ARFGEF1: variants seen among roughly 807,000 people sequenced by gnomAD.
The protein encoded by ARFGEF1 is ARF guanine nucleotide exchange factor 1.
Under a neutral mutation model 231.0 loss-of-function variants are expected in ARFGEF1, and 42 were observed. The ratio of observed to expected loss-of-function variants is 0.18; its 90% CI spans 0.14 to 0.24. The LOEUF is 0.24. Ranked by LOEUF, ARFGEF1 falls within the 10% of genes least tolerant of loss-of-function variation. The pLI, the probability that ARFGEF1 is intolerant of heterozygous loss-of-function variation, is 1.00. For missense variants in ARFGEF1, 1,345 were observed against 2,192.0 expected (o/e 0.61, Z 7.72); for synonymous variants, 710 against 732.3 (o/e 0.97, Z 0.49).
Position 67,258,307 on chromosome 8 carries a change from G to A in ARFGEF1, c.2236-17C>T. ...CACTTGAGTCTAAAGTAAAAACAGA[G>A]ATAGAAATTGATATTTTCTTTCTTT... On this transcript the variant is annotated splice_polypyrimidine_tract_variant and intron_variant, in intron 15 of 38. Transcript: ENST00000262215. 7.0e-7 allele frequency: 1 copy of A among 1,434,292 alleles called. No individual in the cohort carries two copies. Among genetic ancestry groups the A allele is most frequent in the Non-Finnish European group, 9.6e-7 (1 of 1,040,062 alleles). The allele number at this position is 1,434,292 out of a possible 1,614,324, so 88.8% of individuals were successfully genotyped here. A position where few individuals can be genotyped will look rare whatever the true frequency, so the allele number is the denominator to read the frequency against.
chr8:67,317,282 A>AC (rs1479130665), intron 1 of ARFGEF1, among the ~76,000 whole-genome samples: 2 of 152,258 alleles, frequency 1.3e-5, no homozygotes, highest in Non-Finnish European at 2.9e-5. Flanking sequence ...GGAGGAGATA[A>AC]CAGGAACCCC....
At chr8:67,194,440 C>T (rs1837309483), downstream of ARFGEF1, among the ~76,000 whole-genome samples, 1 of 152,092 alleles carries the variant, frequency 6.6e-6, no homozygotes, top group Non-Finnish European at 1.5e-5. Flanking sequence ...AAACACAAAG[C>T]AGACATGGTT....
At chr8:67,234,914 T>C (rs924233514) in intron 22 of ARFGEF1, among the ~76,000 whole-genome samples, 3 of 151,812 alleles carry the variant, frequency 2.0e-5, no homozygotes, top group African/African-American at 7.3e-5. Context: ...AAGGCAAACT[T>C]GACACGCACA....
At chr8:67,336,709 G>A (rs976046965) in intron 1 of ARFGEF1, among the ~76,000 whole-genome samples, 3 of 152,146 alleles carry the variant, frequency 2.0e-5, no homozygotes, top group African/African-American at 7.2e-5. Flanking sequence ...CCCACCTAAA[G>A]GCTCTAAGTT....
chr8:67,331,711 CTTTG>C (rs906547531), intron 1 of ARFGEF1, among the ~76,000 whole-genome samples: 14 of 151,714 alleles, frequency 9.2e-5, no homozygotes, highest in Admixed American at 2.0e-4. Flanking sequence ...ATTTTTATGT[CTTTG>C]TTTTTCACTC....
At chr8:67,190,433 G>A (rs528326394) in intron 5 of ARFGEF1, among the ~76,000 whole-genome samples, 1 of 152,270 alleles carries the variant, frequency 6.6e-6, no homozygotes, top group Admixed American at 6.5e-5. Flanking sequence ...TGTGCACAAA[G>A]GAGCTGTTTA....
chr8:67,246,196 T>C (rs531600396), intron 19 of ARFGEF1, among the ~76,000 whole-genome samples: 1 of 150,564 alleles, frequency 6.6e-6, no homozygotes, highest in African/African-American at 2.5e-5. Flanking sequence ...ATTTTCCATA[T>C]TGGACAGACC....
At chr8:67,230,413 CTT>C (rs1261081225) in intron 23 of ARFGEF1, among the ~76,000 whole-genome samples, 2 of 152,036 alleles carry the variant, frequency 1.3e-5, no homozygotes, top group Non-Finnish European at 2.9e-5. Flanking sequence ...GTTTGCAAAA[CTT>C]TTGCAGATTC....
intron 19 of ARFGEF1, among the ~76,000 whole-genome samples, chr8:67,242,974 A>G (rs1415108825): frequency 6.6e-6 from 1 of 152,168 alleles, no homozygotes; most frequent in African/African-American, 2.4e-5. Context: ...TGTGTCTTGT[A>G]GTTTGAGTGC....
chr8:67,240,309 G>A lies in ARFGEF1; in HGVS notation c.2851-19C>T. The stretch of plus-strand genomic sequence containing the variant: ...AAGCCAACTACAAAAATTAAAAATT[G>A]TATTTTAATTAAAGATTATGATAAC... On this transcript the variant is annotated intron_variant, in intron 19 of 38. Coordinates refer to ENST00000262215, the MANE Select transcript of ARFGEF1 (RefSeq NM_006421.5). The A allele has an allele frequency of 2.5e-6, 4 of 1,576,562 alleles. No individual in the cohort carries two copies. Among genetic ancestry groups the A allele is most frequent in the Non-Finnish European group, 3.4e-6 (4 of 1,165,478 alleles).
intron 10 of ARFGEF1, among the ~76,000 whole-genome samples, chr8:67,270,853 T>A (rs1332584411): frequency 6.6e-6 from 1 of 150,904 alleles, no homozygotes; most frequent in African/African-American, 2.4e-5. Context: ...GGAGAAACCC[T>A]GTCTCTACTA....
In ARFGEF1 at chr8:67,251,451, C is replaced by G. The variant is rs200901179; in HGVS notation, c.2699-1G>C. On this transcript the variant is annotated splice_acceptor_variant, in intron 18 of 38. Transcript: ENST00000262215. LOFTEE classifies it high-confidence loss of function. ...CTTCTTTGTTTTTCACTGGCTACATCTGAAACAATAAACACTATCAGCATT... is the reference window on the plus strand; with the variant it reads ...CTTCTTTGTTTTTCACTGGCTACATGTGAAACAATAAACACTATCAGCATT... The G allele has an allele frequency of 1.3e-6, 2 of 1,595,168 alleles. No homozygotes were observed. Among genetic ancestry groups the G allele is most frequent in the South Asian group, 1.1e-5 (1 of 87,002 alleles).
rs142977497 is a variant in ARFGEF1, at chr8:67,256,061, C to T, written c.2526+1671G>A. On this transcript the variant is annotated intron_variant, in intron 17 of 38. Coordinates refer to ENST00000262215, the MANE Select transcript of ARFGEF1 (RefSeq NM_006421.5). ...TAAAGCATAGCTTTTTAAAACCAAA[C>T]ATATGTAAACCCAGGTCAAAATACT... Among the ~76,000 whole-genome samples the T allele has an allele frequency of 5.2e-3, 790 of 152,234 alleles. 3 individuals carry two copies. Among genetic ancestry groups the T allele is most frequent in the Non-Finnish European group, 8.1e-3 (549 of 67,992 alleles).
chr8:67,186,991 A>T (rs1042954132), intron 5 of ARFGEF1, among the ~76,000 whole-genome samples: 1 of 151,588 alleles, frequency 6.6e-6, no homozygotes, highest in African/African-American at 2.4e-5. Context: ...CTATCTATCT[A>T]TCTATCTATC....
At chr8:67,232,805 A>C (rs761674345) in intron 23 of ARFGEF1, 50 bp downstream of exon 23, 1 of 1,409,486 alleles carries the variant, frequency 7.1e-7, no homozygotes, top group Non-Finnish European at 9.7e-7. Context: ...CTAAATGCTA[A>C]AGAACTGAAA....
chr8:67,230,512 T>C (rs1437121198), intron 23 of ARFGEF1, among the ~76,000 whole-genome samples: 1 of 152,008 alleles, frequency 6.6e-6, no homozygotes, highest in Non-Finnish European at 1.5e-5. Flanking sequence ...AATGAATATA[T>C]CAGAGGTAAC....
intron 1 of ARFGEF1, among the ~76,000 whole-genome samples, chr8:67,332,972 C>T (rs1219047690): frequency 1.3e-5 from 2 of 151,978 alleles, no homozygotes. Flanking sequence ...CGGAAACTGG[C>T]ATACAGTAAA....
chr8:67,232,433 C>T (rs1459743038), intron 23 of ARFGEF1, among the ~76,000 whole-genome samples: 1 of 151,778 alleles, frequency 6.6e-6, no homozygotes, highest in Non-Finnish European at 1.5e-5. Context: ...AAGTCCTTTC[C>T]AAAAAAGTTT....
chr8:67,241,593 T>C (rs1168230882), intron 19 of ARFGEF1, among the ~76,000 whole-genome samples: 1 of 152,182 alleles, frequency 6.6e-6, no homozygotes, highest in Non-Finnish European at 1.5e-5. Flanking sequence ...CGAACCTTTG[T>C]GGAACACCGT....
Sources: allele counts gnomAD v4.1 joint callset (sites outside exome capture counted in the v4.1 genomes callset), GRCh38; gene constraint gnomAD v4.1.1; transcripts MANE v1.5; gene names NCBI Gene and HGNC (gene_info 2026-07-23, HGNC 2026-07-21).